KIF5C: variants seen among roughly 807,000 people sequenced by gnomAD.
The protein encoded by KIF5C is kinesin heavy chain isoform 5C.
A neutral mutation model predicts 125.2 loss-of-function variants in KIF5C; 18 were observed. The observed-to-expected ratio is 0.14, with a 90% CI of 0.10 to 0.21. The LOEUF is 0.21. Among genes scored for constraint, KIF5C ranks in the 10% least tolerant of loss-of-function variants. The pLI is 1.00. For synonymous variants in KIF5C, 405 were observed against 434.0 expected (o/e 0.93, Z 0.83); for missense variants, 780 against 1,183.8 (o/e 0.66, Z 5.01).
chr2:148,920,864 T>G (rs1681755975), intron 1 of KIF5C, among the ~76,000 whole-genome samples: 1 of 152,158 alleles, frequency 6.6e-6, no homozygotes, highest in African/African-American at 2.4e-5. Context: ...GAGCCACACA[T>G]AGGAGGGGCA....
At chr2:148,933,914 A>G (rs1190350064) in intron 3 of KIF5C, among the ~76,000 whole-genome samples, 4 of 150,068 alleles carry the variant, frequency 2.7e-5, no homozygotes, top group African/African-American at 4.9e-5. Flanking sequence ...CCTTAAATAC[A>G]TCATACACAC....
intron 11 of KIF5C, among the ~76,000 whole-genome samples, chr2:148,964,215 CAGTGAGCCG>C (rs897147927): frequency 4.6e-5 from 7 of 150,660 alleles, no homozygotes; most frequent in Non-Finnish European, 7.4e-5. Flanking sequence ...GCGGAGGTTG[CAGTGAGCCG>C]AGAACCCACC....
chr2:148,979,603 C>T (rs560744014), intron 13 of KIF5C, among the ~76,000 whole-genome samples: 1 of 152,232 alleles, frequency 6.6e-6, no homozygotes, highest in South Asian at 2.1e-4. Flanking sequence ...CTCCTAATAC[C>T]CAGCAATGCT....
intron 8 of KIF5C, among the ~76,000 whole-genome samples, chr2:148,948,708 G>A (rs1013127753): frequency 5.9e-5 from 9 of 152,174 alleles, no homozygotes; most frequent in Non-Finnish European, 1.3e-4. Flanking sequence ...CCTTAGGCTG[G>A]CAGTTTGACA....
Position 148,947,247 on chromosome 2 carries a change from T to A in KIF5C, c.714+224T>A, listed in dbSNP as rs1285690953. 3 of 587,468 alleles carry A rather than the reference T, an allele frequency of 5.1e-6. No homozygotes were observed. In the Admixed American group the frequency reaches 1.1e-4, roughly 21 times the overall value. The allele number at this position is 587,468 out of a possible 1,614,324, so 36.4% of individuals were successfully genotyped here. A position where few individuals can be genotyped will look rare whatever the true frequency, so the allele number is the denominator to read the frequency against. ...AGGCAGGTGCTTTGCATGCCAACTC[T>A]GATTTATCCCTGATGGGCCCTTATG... On this transcript the variant is annotated intron_variant, in intron 8 of 25. Transcript: ENST00000435030.
intron 10 of KIF5C, among the ~76,000 whole-genome samples, chr2:148,951,339 T>C (rs1181638402): frequency 6.6e-6 from 1 of 152,158 alleles, no homozygotes; most frequent in East Asian, 1.9e-4. Context: ...ACATGAGACT[T>C]CCTAGATCCC....
chr2:148,938,599 T>C (rs905950859), intron 4 of KIF5C, among the ~76,000 whole-genome samples: 5 of 152,176 alleles, frequency 3.3e-5, no homozygotes, highest in Admixed American at 1.3e-4. Flanking sequence ...CCAGCCTACA[T>C]AGGTGCCCCC....
At chr2:149,018,244 A>C (rs866316342) in intron 25 of KIF5C, among the ~76,000 whole-genome samples, 1 of 152,202 alleles carries the variant, frequency 6.6e-6, no homozygotes, top group Non-Finnish European at 1.5e-5. Context: ...AGCTGTGATC[A>C]TGCCACCACA....
In KIF5C at chr2:148,946,987, G is replaced by A; in HGVS notation, c.678G>A (p.Gly226=). The change falls in exon 8 of 26, where the codon GGG becomes GGA. Residue 226 remains glycine, a synonymous_variant. Coordinates refer to ENST00000435030, the MANE Select transcript of KIF5C (RefSeq NM_004522.3). ...ENVETEKKLS[G]KLYLVDLAGS... ...TAGAGACTGAAAAAAAACTCAGTGGGAAACTTTATTTGGTTGATTTGGCTG... is the reference window on the plus strand; with the variant it reads ...TAGAGACTGAAAAAAAACTCAGTGGAAAACTTTATTTGGTTGATTTGGCTG... The A allele has an allele frequency of 1.2e-6, 2 of 1,613,220 alleles. No individual in the cohort carries two copies. Among genetic ancestry groups the A allele is most frequent in the Non-Finnish European group, 1.7e-6 (2 of 1,179,662 alleles).
At chr2:148,940,523 A>T (rs1274028894) in intron 4 of KIF5C, among the ~76,000 whole-genome samples, 2 of 152,136 alleles carry the variant, frequency 1.3e-5, no homozygotes, top group African/African-American at 2.4e-5. Flanking sequence ...CAGAGCTGGG[A>T]CCAGTGCTGG....
At chr2:148,960,863 TCA>T (rs1385603905) in intron 10 of KIF5C, among the ~76,000 whole-genome samples, 1 of 152,204 alleles carries the variant, frequency 6.6e-6, no homozygotes, top group Non-Finnish European at 1.5e-5. Flanking sequence ...AAACAGGATA[TCA>T]CATATTTTTT....
chr2:148,904,234 T>C (rs1334942727), intron 1 of KIF5C, among the ~76,000 whole-genome samples: 5 of 152,204 alleles, frequency 3.3e-5, no homozygotes. Flanking sequence ...TATTTTGAGG[T>C]TTGTGAAGTT....
chr2:148,986,441 G>A (rs1275084718), intron 15 of KIF5C, among the ~76,000 whole-genome samples: 1 of 152,106 alleles, frequency 6.6e-6, no homozygotes, highest in African/African-American at 2.4e-5. Context: ...ATGAGTGACT[G>A]TACTTCTTTG....
At chr2:148,973,014 AG>A (rs1680960670) in intron 11 of KIF5C, among the ~76,000 whole-genome samples, 1 of 152,212 alleles carries the variant, frequency 6.6e-6, no homozygotes, top group African/African-American at 2.4e-5. Context: ...GTAAAGCCCC[AG>A]GATATTCCTC....
chr2:148,945,456 G>C (rs1682500313), intron 7 of KIF5C, among the ~76,000 whole-genome samples: 1 of 152,094 alleles, frequency 6.6e-6, no homozygotes, highest in Non-Finnish European at 1.5e-5. Context: ...TATATGTGAG[G>C]ATTTATTTCT....
Position 149,009,932 on chromosome 2 carries a change from G to A in KIF5C, c.2551-203G>A, listed in dbSNP as rs527868994. The stretch of plus-strand genomic sequence containing the variant: ...GTTTTAATTGTATCCCCACCCCACC[G>A]TTCCTTGCACCCTGTGAATCACGTG... On this transcript the variant is annotated intron_variant, in intron 23 of 25. Coordinates refer to ENST00000435030, the MANE Select transcript of KIF5C (RefSeq NM_004522.3). Among the ~76,000 whole-genome samples the A allele has an allele frequency of 3.9e-5, 6 of 152,206 alleles. No homozygotes were observed. The South Asian group carries it at 1.0e-3, about 26-fold the overall frequency.
At chr2:148,990,269 G>A (rs1012119915) in intron 15 of KIF5C, among the ~76,000 whole-genome samples, 4 of 152,230 alleles carry the variant, frequency 2.6e-5, no homozygotes, top group African/African-American at 4.8e-5. Context: ...AATGCTGGCT[G>A]TCAGAATCTT....
At position 149,022,656 on chromosome 2, in the gene KIF5C, G is replaced by T. The variant is rs546097860; in HGVS notation, c.*8-422G>T. ...ATATGTGGCTTGGCCGGGCACGGTG[G>T]CTTATACCTGTAATCCCAGCACTTT... is the stretch of plus-strand genomic sequence containing the variant. On this transcript the variant is annotated intron_variant, in intron 25 of 25. Transcript: ENST00000435030. Among the ~76,000 whole-genome samples, 467 of 152,088 alleles carry T rather than the reference G, an allele frequency of 3.1e-3. 1 individual carries two copies. The highest frequency in any genetic ancestry group is 5.3e-3 in the Non-Finnish European group (359 of 67,984).
Position 148,973,385 on chromosome 2 carries a change from C to A in KIF5C, c.1167C>A (p.Asn389Lys). ...AGATCAGTGCCAAGGACCAGAAGAACCTGGAGCCTTGTGATAACACCCCCA... is the reference window on the plus strand; with the variant it reads ...AGATCAGTGCCAAGGACCAGAAGAAACTGGAGCCTTGTGATAACACCCCCA... Reference protein sequence around the residue: ...DEQISAKDQKNLEPCDNTPII... With the variant: ...DEQISAKDQKKLEPCDNTPII... Residue 389 changes from asparagine (N) to lysine (K), a missense_variant, in exon 12 of 26, where the codon AAC becomes AAA. Coordinates refer to ENST00000435030, the MANE Select transcript of KIF5C (RefSeq NM_004522.3). The A allele has an allele frequency of 6.2e-7, 1 of 1,613,732 alleles. No homozygotes were observed. Among genetic ancestry groups the A allele is most frequent in the Non-Finnish European group, 8.5e-7 (1 of 1,179,708 alleles).
Sources: allele counts gnomAD v4.1 joint callset (sites outside exome capture counted in the v4.1 genomes callset), GRCh38; gene constraint gnomAD v4.1.1; transcripts MANE v1.5; gene names NCBI Gene and HGNC (gene_info 2026-07-23, HGNC 2026-07-21).